The following MDFIC variants were observed in gnomAD, a reference collection of about 807,000 sequenced individuals.
MDFIC encodes myoD family inhibitor domain-containing protein.
MDFIC carries 17 observed loss-of-function variants against 23.2 expected under a neutral mutation model. That is an observed-to-expected ratio of 0.73 (90% CI 0.50 to 1.10). The LOEUF (loss-of-function observed/expected upper bound fraction) is 1.10, where lower values mean the gene tolerates loss of function less well. Ranked by LOEUF, MDFIC falls within the 50% of genes least tolerant of loss-of-function variation. MDFIC has a pLI of 0.00. For synonymous variants in MDFIC, 120 were observed against 115.2 expected (o/e 1.04, Z -0.27); for missense variants, 356 against 316.6 (o/e 1.12, Z -0.95).
intron 3 of MDFIC, among the ~76,000 whole-genome samples, chr7:114,968,402 C>T (rs1483882840): frequency 6.6e-6 from 1 of 152,148 alleles, no homozygotes; most frequent in African/African-American, 2.4e-5. Flanking sequence ...CTGTCTATCA[C>T]ATATAAAGAA....
At chr7:114,924,921 A>G (rs1328175846) in intron 2 of MDFIC, among the ~76,000 whole-genome samples, 1 of 152,150 alleles carries the variant, frequency 6.6e-6, no homozygotes, top group East Asian at 1.9e-4. Context: ...ACATTTGTGA[A>G]GAAGCTTTGC....
intron 2 of MDFIC, among the ~76,000 whole-genome samples, chr7:114,938,043 T>C (rs537601460): frequency 9.2e-5 from 14 of 152,192 alleles, no homozygotes; most frequent in African/African-American, 3.1e-4. Context: ...GCAACCTCTG[T>C]CTTCCCGGAT....
chr7:114,922,514 C>T lies in MDFIC; in HGVS notation c.-230C>T. 2 of 1,257,620 alleles carry T rather than the reference C, an allele frequency of 1.6e-6. No individual in the cohort carries two copies. The highest frequency in any genetic ancestry group is 2.0e-6 in the Non-Finnish European group (2 of 994,954). 77.9% of individuals were successfully genotyped at this position (1,257,620 alleles called of 1,614,324 possible). A position where few individuals can be genotyped will look rare whatever the true frequency, so the allele number is the denominator to read the frequency against. On this transcript the variant is annotated 5_prime_UTR_variant, in exon 1 of 5. Coordinates refer to ENST00000393486, the MANE Select transcript of MDFIC (RefSeq NM_001166345.3). Reference sequence around the variant, plus strand: ...GCGGGAGGACGCGCAGGGGCGGCCGCCGCCGTCGTCAGGCCACCGGGGCGA... The same window carrying T: ...GCGGGAGGACGCGCAGGGGCGGCCGTCGCCGTCGTCAGGCCACCGGGGCGA...
At chr7:114,928,787 T>C (rs2115690159) in intron 2 of MDFIC, among the ~76,000 whole-genome samples, 1 of 152,268 alleles carries the variant, frequency 6.6e-6, no homozygotes, top group Admixed American at 6.5e-5. Context: ...AGAATGGTTT[T>C]GGAGGAAGAA....
chr7:114,979,976 C>A, intron 4 of MDFIC, 195 bp downstream of exon 4: 1 of 678,430 alleles, frequency 1.5e-6, no homozygotes, highest in South Asian at 1.6e-5. Flanking sequence ...TGACATCCTG[C>A]TTTTAGATAA....
chr7:114,992,043 T>A (rs1252253550), intron 4 of MDFIC, among the ~76,000 whole-genome samples: 1 of 152,232 alleles, frequency 6.6e-6, no homozygotes, highest in Non-Finnish European at 1.5e-5. Context: ...TGGTTTGTAG[T>A]TCTCCTTGAA....
intron 4 of MDFIC, among the ~76,000 whole-genome samples, chr7:114,990,363 C>A (rs1373181301): frequency 1.4e-5 from 2 of 146,054 alleles, no homozygotes; most frequent in East Asian, 4.0e-4. Context: ...TTTTTTTTTT[C>A]TTTATACTTT....
chr7:115,001,971 T>G (rs1791474250), intron 4 of MDFIC, among the ~76,000 whole-genome samples: 1 of 151,958 alleles, frequency 6.6e-6, no homozygotes, highest in African/African-American at 2.4e-5. Flanking sequence ...ACCCTGTCTG[T>G]ACTAAAAATA....
intron 2 of MDFIC, among the ~76,000 whole-genome samples, chr7:114,925,281 A>G (rs1406139938): frequency 1.3e-5 from 2 of 152,158 alleles, no homozygotes; most frequent in African/African-American, 4.8e-5. Context: ...TGTTAACCAA[A>G]GGCATGAAAC....
intron 4 of MDFIC, among the ~76,000 whole-genome samples, chr7:114,988,923 A>T (rs1793557229): frequency 6.6e-6 from 1 of 152,190 alleles, no homozygotes; most frequent in South Asian, 2.1e-4. Context: ...CTGAGAACTG[A>T]GTGACTCAGC....
At chr7:114,983,020 T>C (rs966114418) in intron 4 of MDFIC, among the ~76,000 whole-genome samples, 1 of 152,244 alleles carries the variant, frequency 6.6e-6, no homozygotes, top group Non-Finnish European at 1.5e-5. Flanking sequence ...CCTCTTAATA[T>C]CATCACATTG....
intron 4 of MDFIC, among the ~76,000 whole-genome samples, chr7:115,011,136 T>C (rs1252437748): frequency 6.6e-6 from 1 of 152,152 alleles, no homozygotes; most frequent in African/African-American, 2.4e-5. Context: ...GAGAGCATGG[T>C]CTCAGGAGGT....
intron 1 of MDFIC, 106 bp downstream of exon 1, chr7:114,922,742 C>T: frequency 7.5e-7 from 1 of 1,337,568 alleles, no homozygotes; most frequent in Non-Finnish European, 9.8e-7. Flanking sequence ...GGGTCCACCT[C>T]GGACCCCTGG....
chr7:114,980,093 T>G (rs1456776931), intron 4 of MDFIC: 1 of 352,330 alleles, frequency 2.8e-6, no homozygotes, highest in African/African-American at 2.1e-5. Context: ...CATACATGAG[T>G]GTGTGTGTGT....
chr7:114,984,032 A>C (rs926039810), intron 4 of MDFIC, among the ~76,000 whole-genome samples: 1 of 152,120 alleles, frequency 6.6e-6, no homozygotes, highest in Admixed American at 6.5e-5. Flanking sequence ...TGCATGGTAA[A>C]ATTGAGACTC....
chr7:115,017,516 A>G lies in MDFIC; in HGVS notation c.*1581A>G, dbSNP rs1376066837. On this transcript the variant is annotated 3_prime_UTR_variant, in exon 5 of 5. Coordinates refer to ENST00000393486, the MANE Select transcript of MDFIC (RefSeq NM_001166345.3). ...ATGGAAACCATTCTTTTCAATGCAG[A>G]AGAAATCTAGATATCCCCTACTGTG... The G allele has an allele frequency of 1.3e-5, 2 of 152,326 alleles. No homozygotes were observed. The highest frequency in any genetic ancestry group is 2.9e-5 in the Non-Finnish European group (2 of 67,884). 9.4% of individuals were successfully genotyped at this position (152,326 alleles called of 1,614,324 possible).
At chr7:114,943,357 A>G (rs1449217363) in intron 3 of MDFIC, among the ~76,000 whole-genome samples, 2 of 152,200 alleles carry the variant, frequency 1.3e-5, no homozygotes, top group South Asian at 2.1e-4. Context: ...AAAACTAAAC[A>G]AAATAAATTA....
intron 4 of MDFIC, among the ~76,000 whole-genome samples, chr7:115,010,091 C>T (rs994705962): frequency 4.6e-5 from 7 of 152,080 alleles, no homozygotes; most frequent in African/African-American, 7.3e-5. Flanking sequence ...AAGATGATTC[C>T]TGACTGCAAG....
intron 4 of MDFIC, among the ~76,000 whole-genome samples, chr7:115,000,150 C>T (rs1585120006): frequency 1.3e-5 from 2 of 152,032 alleles, no homozygotes; most frequent in South Asian, 4.1e-4. Flanking sequence ...AAAATAAGAA[C>T]ACTGTATTTT....
Sources: gnomAD v4.1 joint callset for allele counts (sites outside exome capture counted in the v4.1 genomes callset) on GRCh38, gnomAD v4.1.1 for gene constraint, MANE v1.5 for transcripts, NCBI Gene and HGNC (gene_info 2026-07-23, HGNC 2026-07-21) for gene names.